RABGAP1: variants seen among roughly 807,000 people sequenced by gnomAD.
RABGAP1 encodes the protein rab GTPase-activating protein 1.
Under a neutral mutation model 137.6 loss-of-function variants are expected in RABGAP1, and 23 were observed. The observed-to-expected ratio is 0.17, with a 90% CI of 0.12 to 0.24. The LOEUF (loss-of-function observed/expected upper bound fraction) is 0.24, where lower values mean the gene tolerates loss of function less well. Ranked by LOEUF, RABGAP1 falls within the 10% of genes least tolerant of loss-of-function variation. RABGAP1 has a pLI of 1.00. For missense variants in RABGAP1, 906 were observed against 1,275.8 expected, an observed-to-expected ratio of 0.71 and a Z score of 4.42; for synonymous variants, 451 against 450.7, an observed-to-expected ratio of 1.00 and a Z score of -0.01.
chr9:123,053,470 C>G (rs2132070794), intron 13 of RABGAP1, among the ~76,000 whole-genome samples: 1 of 152,196 alleles, frequency 6.6e-6, no homozygotes, highest in Non-Finnish European at 1.5e-5. Flanking sequence ...CATTTTCCTT[C>G]TTTTGAATTT....
At chr9:123,097,121 G>A (rs759482156) in intron 21 of RABGAP1, among the ~76,000 whole-genome samples, 14 of 152,128 alleles carry the variant, frequency 9.2e-5, no homozygotes, top group African/African-American at 1.7e-4. Flanking sequence ...CCAGGAACTC[G>A]TATGTCAGGC....
chr9:122,957,325 C>A (rs1206048320), intron 2 of RABGAP1, 116 bp downstream of exon 2: 1 of 789,658 alleles, frequency 1.3e-6, no homozygotes, highest in African/African-American at 1.8e-5. Flanking sequence ...TAATATACTT[C>A]TTTTTCTTTA....
intron 1 of RABGAP1, among the ~76,000 whole-genome samples, chr9:122,956,386 A>T (rs890532359): frequency 6.6e-6 from 1 of 152,178 alleles, no homozygotes; most frequent in Non-Finnish European, 1.5e-5. Flanking sequence ...TTTCATTTAC[A>T]TGTACAACTT....
At chr9:123,086,901 G>C (rs2034884639) in intron 19 of RABGAP1, among the ~76,000 whole-genome samples, 1 of 152,176 alleles carries the variant, frequency 6.6e-6, no homozygotes, top group Non-Finnish European at 1.5e-5. Flanking sequence ...GAAACAAGCA[G>C]AGCTCTTAGA....
chr9:123,024,660 G>T (rs1337669757), intron 13 of RABGAP1, among the ~76,000 whole-genome samples: 1 of 151,888 alleles, frequency 6.6e-6, no homozygotes, highest in Non-Finnish European at 1.5e-5. Flanking sequence ...GGCTGGTCTC[G>T]AACTCCCGAC....
At chr9:123,102,956 C>A in intron 25 of RABGAP1, 135 bp from the exon 26 acceptor site, 1 of 1,214,132 alleles carries the variant, frequency 8.2e-7, no homozygotes, top group Non-Finnish European at 1.1e-6. Flanking sequence ...CATTTCTATG[C>A]CAGTTGGAGA....
At chr9:122,951,519 T>G (rs1189426593) in intron 1 of RABGAP1, among the ~76,000 whole-genome samples, 4 of 152,188 alleles carry the variant, frequency 2.6e-5, no homozygotes, top group Non-Finnish European at 5.9e-5. Context: ...GCCAGTTCTT[T>G]CCATTTCACT....
At chr9:123,000,481 T>C (rs1049805108) in intron 10 of RABGAP1, among the ~76,000 whole-genome samples, 2 of 152,324 alleles carry the variant, frequency 1.3e-5, no homozygotes, top group Admixed American at 1.3e-4. Flanking sequence ...TCTTGACCTG[T>C]CTGTAGCATT....
At chr9:123,014,234 C>G (rs1034287499) in intron 11 of RABGAP1, among the ~76,000 whole-genome samples, 1 of 152,208 alleles carries the variant, frequency 6.6e-6, no homozygotes, top group Non-Finnish European at 1.5e-5. Context: ...ATGCCTTGAT[C>G]AGTGCCACTT....
chr9:122,963,281 T>TTC (rs1281100171), intron 2 of RABGAP1, among the ~76,000 whole-genome samples: 1 of 152,168 alleles, frequency 6.6e-6, no homozygotes, highest in Non-Finnish European at 1.5e-5. Flanking sequence ...ATATACTGCT[T>TTC]TCAATAATGA....
At chr9:123,057,229 G>T (rs1360047738) in intron 13 of RABGAP1, among the ~76,000 whole-genome samples, 1 of 151,574 alleles carries the variant, frequency 6.6e-6, no homozygotes, top group South Asian at 2.1e-4. Flanking sequence ...GGTGGCTGCC[G>T]GGCGGAGGGG....
In RABGAP1 at chr9:123,077,166, T is replaced by C. The variant is rs972206229; in HGVS notation, c.2424+404T>C. On this transcript the variant is annotated intron_variant, in intron 19 of 25. Coordinates refer to ENST00000373647, the MANE Select transcript of RABGAP1 (RefSeq NM_012197.4). Reference sequence around the variant, plus strand: ...TACTGTGCTGGTTTTTTGTTTTTGTTTTTTTTTTTTTCTTTTTTTTGAGAC... The same window carrying C: ...TACTGTGCTGGTTTTTTGTTTTTGTCTTTTTTTTTTTCTTTTTTTTGAGAC... 3.1e-4 allele frequency among the ~76,000 whole-genome samples: 11 copies of C among 35,350 alleles called. No individual in the cohort carries two copies. The East Asian group carries it at 4.4e-3, about 14-fold the overall frequency. 23.2% of individuals were successfully genotyped at this position (35,350 alleles called of 152,430 possible). A position where few individuals can be genotyped will look rare whatever the true frequency, so the allele number is the denominator to read the frequency against.
At chr9:122,933,737 G>T in the RABGAP1 span, among the ~76,000 whole-genome samples, 1 of 151,898 alleles carries the variant, frequency 6.6e-6, no homozygotes, top group African/African-American at 2.4e-5. Context: ...CCATTCTCCT[G>T]CCTCAGCCTC....
chr9:122,943,267 T>G lies in RABGAP1; in HGVS notation c.-50+2174T>G, dbSNP rs150664933. Among the ~76,000 whole-genome samples the G allele has an allele frequency of 5.0e-4, 76 of 151,916 alleles. 1 individual carries two copies. The highest frequency in any genetic ancestry group is 4.0e-3 in the South Asian group (19 of 4,788). Reference sequence around the variant, plus strand: ...TATTTTTACTAGAGACGGGGTTTCATCATGTTGGCCAGGCTGGTCTTGAAC... The same window carrying G: ...TATTTTTACTAGAGACGGGGTTTCAGCATGTTGGCCAGGCTGGTCTTGAAC... On this transcript the variant is annotated intron_variant, in intron 1 of 25. Coordinates refer to ENST00000373647, the MANE Select transcript of RABGAP1 (RefSeq NM_012197.4).
intron 13 of RABGAP1, among the ~76,000 whole-genome samples, chr9:123,049,255 C>T (rs1443362626): frequency 1.3e-5 from 2 of 152,082 alleles, no homozygotes; most frequent in African/African-American, 2.4e-5. Flanking sequence ...AGTAAAGGTT[C>T]TGTGACAGTT....
chr9:123,079,960 A>G (rs1315976919), intron 19 of RABGAP1, among the ~76,000 whole-genome samples: 2 of 152,224 alleles, frequency 1.3e-5, no homozygotes, highest in Non-Finnish European at 2.9e-5. Context: ...GATCTCGCTT[A>G]TAAATATCGA....
chr9:122,949,363 A>C (rs893722921), intron 1 of RABGAP1, among the ~76,000 whole-genome samples: 1 of 152,128 alleles, frequency 6.6e-6, no homozygotes, highest in African/African-American at 2.4e-5. Flanking sequence ...AAATATAAAA[A>C]TTAGCCAGGC....
intron 7 of RABGAP1, 150 bp from the exon 8 acceptor site, chr9:122,996,389 G>A: frequency 9.3e-7 from 1 of 1,069,990 alleles, no homozygotes; most frequent in African/African-American, 1.6e-5. Flanking sequence ...GACCTTGAAG[G>A]AAGGATTATT....
intron 22 of RABGAP1, 82 bp downstream of exon 22, chr9:123,097,927 G>C (rs1334457340): frequency 8.5e-7 from 1 of 1,171,966 alleles, no homozygotes; most frequent in East Asian, 2.5e-5. Flanking sequence ...GTTGGCACTA[G>C]AAAACCTAGA....
Sources: gnomAD v4.1 joint callset for allele counts (sites outside exome capture counted in the v4.1 genomes callset) on GRCh38, gnomAD v4.1.1 for gene constraint, MANE v1.5 for transcripts, NCBI Gene and HGNC (gene_info 2026-07-23, HGNC 2026-07-21) for gene names.